The following TMEM9B variants were observed in gnomAD, a reference collection of about 807,000 sequenced individuals.
The protein encoded by TMEM9B is TMEM9 domain family member B.
Under a neutral mutation model 23.5 loss-of-function variants are expected in TMEM9B, and 8 were observed. The ratio of observed to expected loss-of-function variants is 0.34; its 90% CI spans 0.20 to 0.61. The LOEUF (loss-of-function observed/expected upper bound fraction) is 0.61. TMEM9B is among the 20% of genes least tolerant of loss of function. The probability of loss-of-function intolerance (pLI) is 0.78; values close to 1 mark genes in which losing one functional copy is unlikely to be tolerated. For missense variants in TMEM9B, 197 were observed against 252.3 expected (o/e 0.78, Z 1.49); for synonymous variants, 106 against 96.3 (o/e 1.10, Z -0.59).
At chr11:8,960,138 G>GTTTTTTTTTTT (rs10550659) in intron 2 of TMEM9B, among the ~76,000 whole-genome samples, 1 of 83,702 alleles carries the variant, frequency 1.2e-5, no homozygotes, top group African/African-American at 4.3e-5. Flanking sequence ...CTTTGTTTCT[G>GTTTTTTTTTTT]TTTTTTTTTT....
At chr11:8,950,337 G>A (rs986349358) in intron 4 of TMEM9B, among the ~76,000 whole-genome samples, 4 of 146,158 alleles carry the variant, frequency 2.7e-5, no homozygotes, top group African/African-American at 7.5e-5. Flanking sequence ...TGGTGCTTCA[G>A]TGAATTTGTG....
chr11:8,960,255 C>A (rs535063830), intron 2 of TMEM9B, among the ~76,000 whole-genome samples: 18 of 150,366 alleles, frequency 1.2e-4, no homozygotes, highest in Non-Finnish European at 2.4e-4. Flanking sequence ...CGATTCTCTA[C>A]CTTAGCCTTC....
intron 3 of TMEM9B, 144 bp downstream of exon 3, chr11:8,956,046 C>G (rs1478551110): frequency 1.6e-6 from 1 of 611,858 alleles, no homozygotes; most frequent in East Asian, 2.8e-5. Context: ...ATCCACAAAC[C>G]ATGTCAGTGA....
intron 4 of TMEM9B, among the ~76,000 whole-genome samples, chr11:8,952,281 C>CACACACACA (rs1555228012): frequency 6.8e-6 from 1 of 147,454 alleles, no homozygotes; most frequent in Admixed American, 6.7e-5. Context: ...CACACACACG[C>CACACACACA]TATATATATA....
At chr11:8,954,302 GATTTT>G (rs1853934506) in intron 3 of TMEM9B, among the ~76,000 whole-genome samples, 1 of 104,160 alleles carries the variant, frequency 9.6e-6, no homozygotes, top group Non-Finnish European at 2.1e-5. Flanking sequence ...TCTGAAACTG[GATTTT>G]ATTTTTTTTT....
chr11:8,954,539 T>C (rs970269983), intron 3 of TMEM9B, among the ~76,000 whole-genome samples: 3 of 152,098 alleles, frequency 2.0e-5, no homozygotes, highest in Non-Finnish European at 2.9e-5. Context: ...TCCACCCGCC[T>C]CGGACTTCCA....
chr11:8,955,667 G>A (rs889535166), intron 3 of TMEM9B, among the ~76,000 whole-genome samples: 3 of 150,282 alleles, frequency 2.0e-5, no homozygotes, highest in South Asian at 2.1e-4. Flanking sequence ...GTGGTAATGC[G>A]AATGATGGGG....
intron 4 of TMEM9B, among the ~76,000 whole-genome samples, chr11:8,950,074 AAAT>A (rs1329796710): frequency 9.2e-5 from 14 of 152,164 alleles, no homozygotes; most frequent in Admixed American, 7.9e-4. Context: ...TTACAAATGA[AAAT>A]AATAAAGGCA....
upstream of TMEM9B, chr11:8,964,449 G>C: frequency 7.0e-7 from 1 of 1,425,390 alleles, no homozygotes. Flanking sequence ...GTCTGGACGC[G>C]AAGGCGTCAC....
chr11:8,960,397 C>T (rs1343714136), intron 2 of TMEM9B, among the ~76,000 whole-genome samples: 1 of 152,128 alleles, frequency 6.6e-6, no homozygotes, highest in African/African-American at 2.4e-5. Flanking sequence ...CTGCCTTGGC[C>T]TCCCAAAGTG....
chr11:8,953,385 T>G, intron 3 of TMEM9B, 48 bp from the exon 4 acceptor site: 1 of 1,595,442 alleles, frequency 6.3e-7, no homozygotes. Context: ...AGCCCATAAA[T>G]CAGAACTTTG....
chr11:8,962,998 T>G (rs562648839), intron 1 of TMEM9B: 1 of 152,372 alleles, frequency 6.6e-6, no homozygotes, highest in East Asian at 1.9e-4. Flanking sequence ...CACAAACGTA[T>G]TCAGCAACCA....
chr11:8,952,281 C>CACA lies in TMEM9B; in HGVS notation c.441+921_441+922insTGT, dbSNP rs1555228012. On this transcript the variant is annotated intron_variant, in intron 4 of 4. Coordinates refer to ENST00000534025, the MANE Select transcript of TMEM9B (RefSeq NM_020644.3). The stretch of plus-strand genomic sequence containing the variant: ...ACACACACACACACACACACACACG[C>CACA]TATATATATATATATATAAACATAT... Among the ~76,000 whole-genome samples, 304 of 147,512 alleles carry CACA rather than the reference C, an allele frequency of 2.1e-3. 1 individual carries two copies. Among genetic ancestry groups the CACA allele is most frequent in the South Asian group, 7.5e-3 (35 of 4,670 alleles).
chr11:8,956,343 T>C (rs1444497962), intron 2 of TMEM9B, 45 bp from the exon 3 acceptor site: 5 of 1,530,042 alleles, frequency 3.3e-6, no homozygotes, highest in Non-Finnish European at 4.5e-6. Context: ...AGCTAGCTCT[T>C]CTGCTTGCTC....
intron 4 of TMEM9B, among the ~76,000 whole-genome samples, chr11:8,951,630 C>T (rs1040692373): frequency 2.7e-5 from 4 of 150,876 alleles, no homozygotes; most frequent in African/African-American, 9.7e-5. Flanking sequence ...CGATGGCGGG[C>T]GCCTGTAGTT....
At chr11:8,961,650 T>C (rs1324740209) in intron 2 of TMEM9B, among the ~76,000 whole-genome samples, 2 of 152,240 alleles carry the variant, frequency 1.3e-5, no homozygotes, top group Admixed American at 6.5e-5. Flanking sequence ...CCACTTCTTC[T>C]TGAGCCTTCT....
chr11:8,951,494 G>A (rs1853873023), intron 4 of TMEM9B, among the ~76,000 whole-genome samples: 1 of 152,122 alleles, frequency 6.6e-6, no homozygotes, highest in South Asian at 2.1e-4. Flanking sequence ...GCTCACGCCT[G>A]TAATCCCAGC....
intron 3 of TMEM9B, among the ~76,000 whole-genome samples, chr11:8,953,822 G>A (rs995159031): frequency 2.0e-5 from 3 of 152,188 alleles, no homozygotes; most frequent in East Asian, 1.9e-4. Context: ...GCCCTCATAC[G>A]CTGTGGTGGG....
rs1566126643 is a variant in TMEM9B at position 8,964,363 on chromosome 11, C to CGGCTCGGGCTCAGGCTCAGGCTCA, written c.-74_-51dup. 2.0e-6 allele frequency: 3 copies of CGGCTCGGGCTCAGGCTCAGGCTCA among 1,492,130 alleles called. No homozygotes were observed. The African/African-American group carries it at 4.8e-5, about 24-fold the overall frequency. 92.4% of individuals were successfully genotyped at this position (1,492,130 alleles called of 1,614,324 possible). A position where few individuals can be genotyped will look rare whatever the true frequency, so the allele number is the denominator to read the frequency against. On this transcript the variant is annotated 5_prime_UTR_variant, in exon 1 of 5. Transcript: ENST00000534025. ...GCCCGGAGCCCCCGCGACCGGCTCC[C>CGGCTCGGGCTCAGGCTCAGGCTCA]GGCTCGGGCTCAGGCTCAGGCTCAG...
Sources: allele counts gnomAD v4.1 joint callset (sites outside exome capture counted in the v4.1 genomes callset), GRCh38; gene constraint gnomAD v4.1.1; transcripts MANE v1.5; gene names NCBI Gene and HGNC (gene_info 2026-07-23, HGNC 2026-07-21).